Variants in PKHD1 observed in about 807,000 individuals in gnomAD.
The protein encoded by PKHD1 is fibrocystin.
Under a neutral mutation model 412.0 loss-of-function variants are expected in PKHD1, and 291 were observed. That is an observed-to-expected ratio of 0.71 (90% CI 0.64 to 0.78). PKHD1 has a LOEUF of 0.78. Ranked by LOEUF, PKHD1 falls within the 30% of genes least tolerant of loss-of-function variation. The pLI is 0.00. For synonymous variants in PKHD1, 1,777 were observed against 1,821.5 expected (o/e 0.98, Z 0.62); for missense variants, 4,825 against 4,950.7 (o/e 0.97, Z 0.76).
chr6:52,047,770 A>C (rs1226177847), intron 23 of PKHD1, among the ~76,000 whole-genome samples: 1 of 152,192 alleles, frequency 6.6e-6, no homozygotes, highest in Non-Finnish European at 1.5e-5. Context: ...TATTTGTATG[A>C]CCTTTTGGCA....
At chr6:51,708,605 A>T (rs1780282507) in intron 60 of PKHD1, among the ~76,000 whole-genome samples, 1 of 152,096 alleles carries the variant, frequency 6.6e-6, no homozygotes, top group Non-Finnish European at 1.5e-5. Context: ...GCCAGGTTGG[A>T]CTTCTTTTCA....
At chr6:51,633,024 G>A (rs1433193178) in intron 64 of PKHD1, among the ~76,000 whole-genome samples, 2 of 151,898 alleles carry the variant, frequency 1.3e-5, no homozygotes, top group African/African-American at 4.8e-5. Flanking sequence ...CAAAATTTCA[G>A]CTTCTTTCAC....
intron 20 of PKHD1, 105 bp downstream of exon 20, chr6:52,053,933 G>A: frequency 1.7e-6 from 2 of 1,177,222 alleles, no homozygotes; most frequent in Non-Finnish European, 1.3e-6. Context: ...AGTGTATGAG[G>A]CCCAAATATA....
At chr6:51,694,413 T>C (rs1284710892) in intron 60 of PKHD1, among the ~76,000 whole-genome samples, 1 of 151,970 alleles carries the variant, frequency 6.6e-6, no homozygotes, top group Non-Finnish European at 1.5e-5. Context: ...AGATAGAGTC[T>C]TTCTCTGTTG....
At position 51,650,215 on chromosome 6, in the gene PKHD1, A is replaced by G. The variant is rs147658879; in HGVS notation, c.11175-995T>C. ...TACATAATTCATGACAGTGTAAAAC[A>G]TATTTCACTCAGAGTTTCGGTATTT... On this transcript the variant is annotated intron_variant, in intron 61 of 66. Transcript: ENST00000371117. Among the ~76,000 whole-genome samples, 14 of 152,316 alleles carry G rather than the reference A, an allele frequency of 9.2e-5. No homozygotes were observed. The East Asian group carries it at 2.5e-3, about 27-fold the overall frequency.
intron 34 of PKHD1, among the ~76,000 whole-genome samples, chr6:52,011,719 C>T (rs969937818): frequency 9.2e-5 from 14 of 152,222 alleles, no homozygotes; most frequent in African/African-American, 3.1e-4. Context: ...ATAACTAGTA[C>T]ATCTCACCAC....
At chr6:51,801,753 T>C (rs1211971420) in intron 52 of PKHD1, among the ~76,000 whole-genome samples, 1 of 151,178 alleles carries the variant, frequency 6.6e-6, no homozygotes, top group Non-Finnish European at 1.5e-5. Context: ...CCATTTAAAC[T>C]TTGGACAATA....
intron 43 of PKHD1, among the ~76,000 whole-genome samples, chr6:51,891,342 C>T (rs1024001485): frequency 2.6e-5 from 4 of 152,042 alleles, no homozygotes; most frequent in African/African-American, 4.8e-5. Context: ...TGCAATGGCA[C>T]GATCTCGGCT....
chr6:51,959,885 A>G lies in PKHD1; in HGVS notation c.5893T>C (p.Leu1965=), dbSNP rs1443622714. Residue 1965 remains leucine (L), a synonymous_variant, in exon 36 of 67, where the codon TTA becomes CTA. Coordinates refer to ENST00000371117, the MANE Select transcript of PKHD1 (RefSeq NM_138694.4). ...LLDTNTSILN[L]LHIKGGKLIF... is the part of the protein sequence containing the mutation. ...CTTCACACACCTTTAATGTGCAGTA[A>G]GTTGAGGATGCTTGTGTTAGTGTCC... 6.2e-7 allele frequency: 1 copy of G among 1,613,222 alleles called. No homozygotes were observed. Among genetic ancestry groups the G allele is most frequent in the African/African-American group, 1.3e-5 (1 of 74,820 alleles).
rs1268275478 is a variant in PKHD1, at chr6:51,659,376, G to C, written c.10750C>G (p.Leu3584Val). 1 of 1,613,776 alleles carries C rather than the reference G, an allele frequency of 6.2e-7. No homozygotes were observed. The highest frequency in any genetic ancestry group is 1.1e-5 in the South Asian group (1 of 91,076). ...KGWEIVILER[L>V]TNFLQIGQNQ... ...TGGCCAATCTGTAAGAAGTTAGTTA[G>C]TCTTTCGAGTATTACTATTTCCCAG... The change falls in exon 61 of 67, where the codon CTA (leucine) becomes GTA (valine). Residue 3584 changes from leucine to valine, a missense_variant. Leu to Val is a conservative substitution (Grantham distance 32, BLOSUM62 1). Coordinates refer to ENST00000371117, the MANE Select transcript of PKHD1 (RefSeq NM_138694.4).
intron 60 of PKHD1, chr6:51,721,883 C>T (rs775882691): frequency 4.4e-5 from 70 of 1,587,898 alleles, no homozygotes; most frequent in Non-Finnish European, 5.8e-5. Flanking sequence ...GAAACAGTGT[C>T]TTAACAAGTC....
In PKHD1 at chr6:52,071,065, G is replaced by T; in HGVS notation, c.608C>A (p.Pro203His). ...CCCAAGACCATGGTCCTCCTGAATA[G>T]GATAACTAAGGAAAAGACAAACTGA... ...LINRQMGSCY[P>H]IQEDHGLGTL... Residue 203 changes from proline (P) to histidine (H), a missense_variant, in exon 9 of 67, where the codon CCT becomes CAT. Pro to His is a moderately conservative substitution (Grantham distance 77, BLOSUM62 -2). Coordinates refer to ENST00000371117, the MANE Select transcript of PKHD1 (RefSeq NM_138694.4). 2 of 1,596,142 alleles carry T rather than the reference G, an allele frequency of 1.3e-6. No individual in the cohort carries two copies. Among genetic ancestry groups the T allele is most frequent in the Non-Finnish European group, 1.7e-6 (2 of 1,163,908 alleles).
chr6:51,681,832 TACA>T (rs1211028486), intron 60 of PKHD1, among the ~76,000 whole-genome samples: 2 of 152,112 alleles, frequency 1.3e-5, no homozygotes, highest in Admixed American at 6.6e-5. Context: ...TACTTTGCAC[TACA>T]ACAGCAGAGT....
chr6:51,740,900 G>C (rs1284159157), intron 60 of PKHD1, among the ~76,000 whole-genome samples: 2 of 152,138 alleles, frequency 1.3e-5, no homozygotes, highest in Non-Finnish European at 2.9e-5. Flanking sequence ...CTTGCAGTTG[G>C]TACCTATAGC....
At chr6:51,992,192 G>A (rs1797120733) in intron 35 of PKHD1, among the ~76,000 whole-genome samples, 1 of 152,174 alleles carries the variant, frequency 6.6e-6, no homozygotes, top group Non-Finnish European at 1.5e-5. Flanking sequence ...CACAGTTCCT[G>A]ACAAGAAGCA....
chr6:51,640,920 A>G (rs1451617631), intron 63 of PKHD1, among the ~76,000 whole-genome samples: 1 of 152,206 alleles, frequency 6.6e-6, no homozygotes, highest in Non-Finnish European at 1.5e-5. Flanking sequence ...GGTCTACTAA[A>G]GAAAAAAGAA....
At chr6:51,950,220 A>AATATATATATATATATATATATAT (rs1333126139) in intron 36 of PKHD1, among the ~76,000 whole-genome samples, 10 of 98,292 alleles carry the variant, frequency 1.0e-4, no homozygotes, top group South Asian at 8.3e-4. Flanking sequence ...GAAAAAAAAA[A>AATATATATATATATATATATATAT]ATATATATAT....
At chr6:51,773,193 T>G (rs1375623247) in intron 54 of PKHD1, among the ~76,000 whole-genome samples, 1 of 146,758 alleles carries the variant, frequency 6.8e-6, no homozygotes, top group Non-Finnish European at 1.5e-5. Context: ...CATGGTTAAC[T>G]CTATTTCCTT....
At chr6:51,822,095 A>G (rs1042410685) in intron 52 of PKHD1, among the ~76,000 whole-genome samples, 4 of 152,184 alleles carry the variant, frequency 2.6e-5, no homozygotes, top group Non-Finnish European at 4.4e-5. Flanking sequence ...TGAGCCTATT[A>G]ATTTAGAACA....
Sources: gnomAD v4.1 joint callset for allele counts (sites outside exome capture counted in the v4.1 genomes callset) on GRCh38, gnomAD v4.1.1 for gene constraint, MANE v1.5 for transcripts, NCBI Gene and HGNC (gene_info 2026-07-23, HGNC 2026-07-21) for gene names.